The following SH2D4B variants were observed in gnomAD, a reference collection of about 807,000 sequenced individuals.
SH2D4B encodes the protein SH2 domain containing 4B.
Under a neutral mutation model 61.5 loss-of-function variants are expected in SH2D4B, and 45 were observed. The ratio of observed to expected loss-of-function variants is 0.73; its 90% confidence interval spans 0.58 to 0.94. The LOEUF is 0.94. Among genes scored for constraint, SH2D4B ranks in the 40% least tolerant of loss-of-function variants. The probability of loss-of-function intolerance (pLI) is 0.00; values close to 1 mark genes in which losing one functional copy is unlikely to be tolerated. For missense variants in SH2D4B, 572 were observed against 574.2 expected, an observed-to-expected ratio of 1.00 and a Z score of 0.04; for synonymous variants, 224 against 220.4, an observed-to-expected ratio of 1.02 and a Z score of -0.14.
chr10:80,602,193 G>A (rs142029242), intron 4 of SH2D4B, among the ~76,000 whole-genome samples: 4 of 152,270 alleles, frequency 2.6e-5, no homozygotes, highest in Non-Finnish European at 4.4e-5. Flanking sequence ...GTGCGTGGGG[G>A]TTCACTCTTA....
intron 3 of SH2D4B, among the ~76,000 whole-genome samples, chr10:80,574,697 A>G (rs114810303): frequency 0.015 from 2,233 of 151,848 alleles, 59 homozygotes; most frequent in African/African-American, 0.05. Flanking sequence ...ATTATCAATT[A>G]ATTAATTAAT....
chr10:80,603,693 G>T lies in SH2D4B; in HGVS notation c.758G>T (p.Ser253Ile). The stretch of plus-strand genomic sequence containing the variant: ...CAGAAGGGCACGGTCGCTGGCCTCA[G>T]CTCCATGTTCCGGGAGCTTGGCCAG... ...AIQKGTVAGL[S>I]SMFRELGQSH... The change falls in exon 5 of 8, where the codon AGC becomes ATC. Residue 253 changes from serine to isoleucine, a missense_variant. Physicochemically the swap from Ser to Ile is moderately radical, Grantham distance 142. Coordinates refer to ENST00000646907, the MANE Select transcript of SH2D4B (RefSeq NM_001388272.1). 6.2e-7 allele frequency: 1 copy of T among 1,613,222 alleles called. No homozygotes were observed. The highest frequency in any genetic ancestry group is 8.5e-7 in the Non-Finnish European group (1 of 1,179,796).
intron 1 of SH2D4B, among the ~76,000 whole-genome samples, chr10:80,555,982 G>GA (rs1841829237): frequency 6.6e-6 from 1 of 152,202 alleles, no homozygotes; most frequent in African/African-American, 2.4e-5. Flanking sequence ...AAGACGATGT[G>GA]ATGAACATTT....
At chr10:80,600,024 T>C (rs1345607028) in intron 4 of SH2D4B, among the ~76,000 whole-genome samples, 2 of 152,088 alleles carry the variant, frequency 1.3e-5, no homozygotes, top group Non-Finnish European at 2.9e-5. Flanking sequence ...AACACGACAA[T>C]AACAGATAAT....
intron 6 of SH2D4B, among the ~76,000 whole-genome samples, chr10:80,624,726 A>T (rs1006060128): frequency 2.0e-5 from 3 of 152,216 alleles, no homozygotes; most frequent in African/African-American, 7.2e-5. Context: ...TCAGGGACAC[A>T]GACAACCAGC....
chr10:80,557,646 G>A (rs1468323212), intron 1 of SH2D4B, among the ~76,000 whole-genome samples: 2 of 152,256 alleles, frequency 1.3e-5, no homozygotes, highest in East Asian at 1.9e-4. Flanking sequence ...TTGATATAAA[G>A]TTGCTCATAA....
At position 80,609,450 on chromosome 10, in the gene SH2D4B, C is replaced by G; in HGVS notation, c.887C>G (p.Pro296Arg). Residue 296 changes from proline (P) to arginine (R), a missense_variant, in exon 6 of 8, where the codon CCA (proline) becomes CGA (arginine). Transcript: ENST00000646907. ...AGGACCTGGGAGCGCCCGCTGCGCC[C>G]AGTCTCCAGAGATGTCATCGTCCGC... ...VSRTWERPLRPVSRDVIVRWF... is the reference protein window; with the variant it reads ...VSRTWERPLRRVSRDVIVRWF... 1 of 1,614,110 alleles carries G rather than the reference C, an allele frequency of 6.2e-7. No homozygotes were observed. Among genetic ancestry groups the G allele is most frequent in the Non-Finnish European group, 8.5e-7 (1 of 1,179,988 alleles).
At chr10:80,630,424 T>C (rs1225302066) in intron 6 of SH2D4B, among the ~76,000 whole-genome samples, 1 of 152,200 alleles carries the variant, frequency 6.6e-6, no homozygotes, top group African/African-American at 2.4e-5. Flanking sequence ...GCCTATTTAC[T>C]AATCTACTGT....
intron 4 of SH2D4B, among the ~76,000 whole-genome samples, chr10:80,592,715 C>CT (rs60807866): frequency 0.2 from 26,810 of 134,366 alleles, 3,992 homozygotes; most frequent in African/African-American, 0.4. Context: ...CTCTCTGTCT[C>CT]TTTTTTTTTT....
intron 6 of SH2D4B, among the ~76,000 whole-genome samples, chr10:80,634,067 C>T (rs950605532): frequency 1.3e-5 from 2 of 152,208 alleles, no homozygotes; most frequent in Non-Finnish European, 2.9e-5. Flanking sequence ...ACTCTGCCCC[C>T]AGGCTCACGG....
chr10:80,604,074 A>T (rs1842486674), intron 5 of SH2D4B, among the ~76,000 whole-genome samples: 1 of 152,172 alleles, frequency 6.6e-6, no homozygotes, highest in Non-Finnish European at 1.5e-5. Flanking sequence ...TCCCCCTCAA[A>T]TATGCATATA....
intron 6 of SH2D4B, 151 bp downstream of exon 6, chr10:80,609,702 G>GGAC: frequency 1.5e-6 from 2 of 1,294,170 alleles, no homozygotes; most frequent in Non-Finnish European, 2.1e-6. Flanking sequence ...GGGAGTCCAG[G>GGAC]AGGCTGCAGG....
intron 4 of SH2D4B, among the ~76,000 whole-genome samples, chr10:80,591,530 G>A (rs181351039): frequency 7.1e-5 from 9 of 127,356 alleles, no homozygotes; most frequent in Non-Finnish European, 1.1e-4. Context: ...TTTTTGAGTC[G>A]GAGTCTTGTT....
chr10:80,619,984 G>T (rs1842700353), intron 6 of SH2D4B, among the ~76,000 whole-genome samples: 1 of 152,152 alleles, frequency 6.6e-6, no homozygotes, highest in Admixed American at 6.5e-5. Context: ...CCTTAAAATT[G>T]GTTAGGACTT....
chr10:80,584,528 A>T (rs551733332), intron 3 of SH2D4B, among the ~76,000 whole-genome samples: 1 of 152,356 alleles, frequency 6.6e-6, no homozygotes, highest in Admixed American at 6.5e-5. Context: ...TATTTTACTG[A>T]ATTTAAGTTA....
At chr10:80,621,317 T>C (rs974363020) in intron 6 of SH2D4B, among the ~76,000 whole-genome samples, 10 of 152,264 alleles carry the variant, frequency 6.6e-5, no homozygotes, top group African/African-American at 2.4e-4. Context: ...AAACTACGTC[T>C]ATATTTTTAT....
chr10:80,547,854 T>C (rs762908703), intron 1 of SH2D4B, among the ~76,000 whole-genome samples: 33 of 152,058 alleles, frequency 2.2e-4, no homozygotes, highest in South Asian at 4.2e-4. Flanking sequence ...AGTTGGAAAG[T>C]TGGGGCTGAG....
At position 80,603,635 on chromosome 10, in the gene SH2D4B, G is replaced by A. The variant is rs759669825; in HGVS notation, c.700G>A (p.Asp234Asn). The change falls in exon 5 of 8, where the codon GAC (aspartate) becomes AAC (asparagine). Residue 234 changes from aspartate to asparagine, a missense_variant. Asp to Asn is a conservative substitution (Grantham distance 23). Coordinates refer to ENST00000646907, the MANE Select transcript of SH2D4B (RefSeq NM_001388272.1). ...GAGCCGCCGAGCCCAGCGCGCCCGGGACGAGTACCGACACCACTCGCTCCG... is the reference window on the plus strand; with the variant it reads ...GAGCCGCCGAGCCCAGCGCGCCCGGAACGAGTACCGACACCACTCGCTCCG... ...ERSRRAQRAR[D>N]EYRHHSLRAI... The A allele has an allele frequency of 3.8e-6, 6 of 1,597,768 alleles. No individual in the cohort carries two copies. In the Admixed American group the frequency reaches 8.7e-5, roughly 23 times the overall value.
chr10:80,569,929 C>T (rs1005442111), intron 1 of SH2D4B, among the ~76,000 whole-genome samples: 2 of 152,106 alleles, frequency 1.3e-5, no homozygotes, highest in Non-Finnish European at 2.9e-5. Context: ...CAGTCTTGGA[C>T]GCCCACCCCC....
Sources: gnomAD v4.1 joint callset for allele counts (sites outside exome capture counted in the v4.1 genomes callset) on GRCh38, gnomAD v4.1.1 for gene constraint, MANE v1.5 for transcripts, NCBI Gene and HGNC (gene_info 2026-07-23, HGNC 2026-07-21) for gene names.